Variants in ERI1 observed in about 807,000 individuals in gnomAD.
The protein encoded by ERI1 is exoribonuclease 1, also known as 3'-5' exoribonuclease 1.
ERI1 carries 39 observed loss-of-function variants against 39.7 expected under a neutral mutation model. The ratio of observed to expected loss-of-function variants is 0.98; its 90% CI spans 0.76 to 1.28. The LOEUF is 1.28. Among genes scored for constraint, ERI1 ranks in the 50% most tolerant of loss-of-function variants. The probability of loss-of-function intolerance (pLI) is 0.00; values close to 1 mark genes in which losing one functional copy is unlikely to be tolerated. For synonymous variants in ERI1, 204 were observed against 149.6 expected, an observed-to-expected ratio of 1.36 and a Z score of -2.65; for missense variants, 581 against 416.9, an observed-to-expected ratio of 1.39 and a Z score of -3.43.
chr8:9,016,485 A>C lies in ERI1; in HGVS notation c.582+80A>C, dbSNP rs1362212961. On this transcript the variant is annotated intron_variant, in intron 4 of 6. Transcript: ENST00000250263. Reference sequence around the variant, plus strand: ...ATTTATTTTATACATAATTTAAAAAAATTATTACTGTTGTGAACAATTTAA... The same window carrying C: ...ATTTATTTTATACATAATTTAAAAACATTATTACTGTTGTGAACAATTTAA... 5.1e-6 allele frequency: 4 copies of C among 779,400 alleles called. No homozygotes were observed. The African/African-American group carries it at 5.4e-5, about 11-fold the overall frequency. The allele number at this position is 779,400 out of a possible 1,614,324, so 48.3% of individuals were successfully genotyped here.
intron 3 of ERI1, among the ~76,000 whole-genome samples, chr8:9,047,843 C>T (rs900948680): frequency 3.3e-5 from 5 of 152,200 alleles, no homozygotes; most frequent in Non-Finnish European, 5.9e-5. Flanking sequence ...TAATACTAAT[C>T]GTTCACGCTG....
chr8:9,050,792 C>A (rs139065824), intron 3 of ERI1, among the ~76,000 whole-genome samples: 4 of 152,150 alleles, frequency 2.6e-5, no homozygotes, highest in Non-Finnish European at 1.5e-5. Flanking sequence ...ACCACAACTC[C>A]GGGCCTCTTC....
intron 2 of ERI1, chr8:9,009,213 A>T (rs1412822176): frequency 2.7e-6 from 1 of 369,320 alleles, no homozygotes; most frequent in African/African-American, 2.1e-5. Flanking sequence ...TTATAAAGGT[A>T]AATACAGATA....
chr8:9,038,209 G>A (rs917629371), downstream of ERI1, among the ~76,000 whole-genome samples: 4 of 152,030 alleles, frequency 2.6e-5, no homozygotes, highest in African/African-American at 4.8e-5. Context: ...CTTTCTCCTG[G>A]AACTTCTATT....
chr8:9,067,329 T>C (rs1007188737), intron 3 of ERI1, among the ~76,000 whole-genome samples: 3 of 152,062 alleles, frequency 2.0e-5, no homozygotes, highest in Non-Finnish European at 4.4e-5. Flanking sequence ...TCCTGCTCTA[T>C]GCACTTGTTT....
At chr8:9,051,646 A>C (rs1448898438) in intron 3 of ERI1, among the ~76,000 whole-genome samples, 1 of 142,904 alleles carries the variant, frequency 7.0e-6, no homozygotes, top group East Asian at 1.9e-4. Flanking sequence ...GACAGCGCTG[A>C]GACCCTGTCT....
intron 3 of ERI1, among the ~76,000 whole-genome samples, chr8:9,045,537 C>T (rs1466253194): frequency 1.3e-5 from 2 of 152,046 alleles, no homozygotes; most frequent in African/African-American, 4.8e-5. Context: ...TGGCTCATGC[C>T]TGTAATCTCA....
At chr8:9,026,804 A>G (rs1041022707) in intron 6 of ERI1, among the ~76,000 whole-genome samples, 1 of 152,146 alleles carries the variant, frequency 6.6e-6, no homozygotes, top group African/African-American at 2.4e-5. Context: ...TTTCAAATCC[A>G]AAGCACTTCT....
At chr8:9,094,563 G>A (rs1010204633) in intron 3 of ERI1, among the ~76,000 whole-genome samples, 1 of 152,190 alleles carries the variant, frequency 6.6e-6, no homozygotes, top group Middle Eastern at 3.2e-3. Flanking sequence ...GTTGATGGAT[G>A]ATGAGTTTCC....
chr8:9,023,151 C>T (rs1237040287), intron 6 of ERI1, among the ~76,000 whole-genome samples: 4 of 152,034 alleles, frequency 2.6e-5, no homozygotes, highest in Non-Finnish European at 4.4e-5. Flanking sequence ...TATGTTAATA[C>T]ATCTCTTTAG....
chr8:9,022,699 C>G (rs771239994), intron 6 of ERI1, among the ~76,000 whole-genome samples: 1 of 152,096 alleles, frequency 6.6e-6, no homozygotes, highest in Non-Finnish European at 1.5e-5. Context: ...TGCACCTGGC[C>G]TTTTGTGGAT....
At chr8:9,082,333 C>T (rs1310617077) in intron 3 of ERI1, among the ~76,000 whole-genome samples, 1 of 152,148 alleles carries the variant, frequency 6.6e-6, no homozygotes, top group East Asian at 1.9e-4. Context: ...GGCTCACGTC[C>T]AGTAGACATG....
intron 3 of ERI1, among the ~76,000 whole-genome samples, chr8:9,067,957 C>A (rs1798934810): frequency 6.6e-6 from 1 of 150,908 alleles, no homozygotes; most frequent in South Asian, 2.1e-4. Flanking sequence ...TATGTATATA[C>A]ACACACAAAT....
intron 3 of ERI1, among the ~76,000 whole-genome samples, chr8:9,042,145 A>G (rs1323364576): frequency 6.6e-6 from 1 of 152,220 alleles, no homozygotes; most frequent in African/African-American, 2.4e-5. Context: ...TAAGATAAGC[A>G]TTAGGAATTC....
chr8:9,097,918 C>T (rs979918188), intron 3 of ERI1, among the ~76,000 whole-genome samples: 7 of 152,116 alleles, frequency 4.6e-5, no homozygotes, highest in Admixed American at 3.3e-4. Flanking sequence ...TATGTATATA[C>T]ACCATGGAAT....
chr8:9,023,275 C>T (rs1048583532), intron 6 of ERI1, among the ~76,000 whole-genome samples: 21 of 151,878 alleles, frequency 1.4e-4, no homozygotes, highest in African/African-American at 4.8e-4. Flanking sequence ...GTAATCATAT[C>T]CTGGAATGTG....
chr8:9,049,336 C>CAAAAAAAAAAAAAAAAAAAAAAAA (rs3989371), intron 3 of ERI1, among the ~76,000 whole-genome samples: 6 of 33,246 alleles, frequency 1.8e-4, no homozygotes, highest in Admixed American at 4.7e-4. Flanking sequence ...ACTCCGTCTC[C>CAAAAAAAAAAAAAAAAAAAAAAAA]AAAAAAAAAA....
rs1328764655 is a variant in ERI1, at chr8:9,032,704, C to G, written c.*2670C>G. The G allele has an allele frequency of 6.6e-6, 1 of 151,970 alleles. No homozygotes were observed. The highest frequency in any genetic ancestry group is 2.4e-5 in the African/African-American group (1 of 41,358). The allele number at this position is 151,970 out of a possible 1,614,324, so 9.4% of individuals were successfully genotyped here. ...TTAGTATATCATCCCAAGTATTATC[C>G]CCAAAATGATAATGCAAAACAGAAT... On this transcript the variant is annotated 3_prime_UTR_variant, in exon 7 of 7. Coordinates refer to ENST00000250263, the MANE Select transcript of ERI1 (RefSeq NM_153332.4).
chr8:9,059,438 G>A (rs915580776), intron 3 of ERI1, among the ~76,000 whole-genome samples: 9 of 152,086 alleles, frequency 5.9e-5, no homozygotes, highest in African/African-American at 2.2e-4. Context: ...GCTTCGAGCA[G>A]GATTAGGGGC....
Sources: gnomAD v4.1 joint callset for allele counts (sites outside exome capture counted in the v4.1 genomes callset) on GRCh38, gnomAD v4.1.1 for gene constraint, MANE v1.5 for transcripts, NCBI Gene and HGNC (gene_info 2026-07-23, HGNC 2026-07-21) for gene names.